The following PIGL variants were observed in gnomAD, a reference collection of about 807,000 sequenced individuals.
The protein encoded by PIGL is phosphatidylinositol glycan anchor biosynthesis class L.
In PIGL, 22 loss-of-function variants were observed where a neutral mutation model predicts 31.1. That is an observed-to-expected ratio of 0.71 (90% CI 0.51 to 1.01). PIGL has a LOEUF of 1.01. Among genes scored for constraint, PIGL ranks in the 50% least tolerant of loss-of-function variants. PIGL has a pLI of 0.00. For synonymous variants in PIGL, 131 were observed against 117.4 expected (o/e 1.12, Z -0.75); for missense variants, 302 against 315.9 (o/e 0.96, Z 0.33).
intron 1 of PIGL, among the ~76,000 whole-genome samples, chr17:16,226,016 A>C (rs1389112980): frequency 6.6e-6 from 1 of 151,976 alleles, no homozygotes; most frequent in Non-Finnish European, 1.5e-5. Context: ...AAAAAAAAAA[A>C]AAAAGTTAGC....
At chr17:16,218,452 A>C (rs566519827) in intron 1 of PIGL, among the ~76,000 whole-genome samples, 1 of 152,300 alleles carries the variant, frequency 6.6e-6, no homozygotes, top group East Asian at 1.9e-4. Context: ...ATCTACCTAT[A>C]TTAATTAGAT....
chr17:16,281,778 G>A (rs2092917489), intron 2 of PIGL, among the ~76,000 whole-genome samples: 2 of 152,188 alleles, frequency 1.3e-5, no homozygotes, highest in South Asian at 4.1e-4. Context: ...AAGAAGAAGG[G>A]GACCTGTGAT....
intron 3 of PIGL, among the ~76,000 whole-genome samples, chr17:16,301,014 T>C (rs1394756390): frequency 6.6e-6 from 1 of 152,210 alleles, no homozygotes; most frequent in Non-Finnish European, 1.5e-5. Flanking sequence ...TCAAAAAATA[T>C]ATAATAATCC....
chr17:16,303,607 C>T (rs2093014173), intron 3 of PIGL, among the ~76,000 whole-genome samples: 1 of 151,960 alleles, frequency 6.6e-6, no homozygotes. Flanking sequence ...GGCATGACCT[C>T]GGCTCACTGC....
intron 2 of PIGL, among the ~76,000 whole-genome samples, chr17:16,241,351 G>A (rs1482966255): frequency 6.6e-6 from 1 of 151,584 alleles, no homozygotes; most frequent in East Asian, 2.0e-4. Flanking sequence ...CACTTTGGGA[G>A]GCTGAGGTGG....
intron 2 of PIGL, among the ~76,000 whole-genome samples, chr17:16,285,254 C>T (rs993377893): frequency 6.6e-6 from 1 of 152,230 alleles, no homozygotes; most frequent in Non-Finnish European, 1.5e-5. Flanking sequence ...TAATACCTAG[C>T]ACTCATGCCT....
chr17:16,269,544 G>C (rs548323256), intron 2 of PIGL, among the ~76,000 whole-genome samples: 7 of 151,468 alleles, frequency 4.6e-5, no homozygotes, highest in African/African-American at 1.7e-4. Flanking sequence ...CCAGCTACTC[G>C]GGAGGCTGAG....
chr17:16,287,991 C>T (rs2092945091), intron 2 of PIGL, among the ~76,000 whole-genome samples: 1 of 152,166 alleles, frequency 6.6e-6, no homozygotes, highest in Non-Finnish European at 1.5e-5. Flanking sequence ...CACATATAGG[C>T]AAGTTACCTT....
At chr17:16,248,020 C>T (rs1225943233) in intron 2 of PIGL, among the ~76,000 whole-genome samples, 8 of 151,866 alleles carry the variant, frequency 5.3e-5, no homozygotes, top group Admixed American at 2.6e-4. Flanking sequence ...CCCAAGTAGC[C>T]GGGATTACAG....
chr17:16,267,314 G>T lies in PIGL; in HGVS notation c.336-32574G>T, dbSNP rs182574355. Among the ~76,000 whole-genome samples the T allele has an allele frequency of 1.1e-3, 170 of 152,204 alleles. 1 individual carries two copies. The highest frequency in any genetic ancestry group is 3.9e-3 in the African/African-American group (162 of 41,530). On this transcript the variant is annotated intron_variant, in intron 2 of 6. Transcript: ENST00000225609. ...TTCATCCCTGTCTTCACATTGAGTA[G>T]GCTATCTTGCTGTCTCAGGGGTGGC... is the stretch of plus-strand genomic sequence containing the variant.
At chr17:16,255,723 T>C (rs1367726346) in intron 2 of PIGL, among the ~76,000 whole-genome samples, 1 of 152,100 alleles carries the variant, frequency 6.6e-6, no homozygotes, top group Admixed American at 6.6e-5. Flanking sequence ...CTCTAAGAGA[T>C]TAAAATAAAG....
chr17:16,259,218 G>A (rs899771822), intron 2 of PIGL, among the ~76,000 whole-genome samples: 1 of 149,600 alleles, frequency 6.7e-6, no homozygotes, highest in African/African-American at 2.5e-5. Flanking sequence ...ATTCTGTTTT[G>A]TTGCTTTTTT....
chr17:16,242,094 A>G (rs138510716), intron 2 of PIGL, among the ~76,000 whole-genome samples: 174 of 152,102 alleles, frequency 1.1e-3, no homozygotes, highest in African/African-American at 4.0e-3. Context: ...GGTCTCTGCC[A>G]TCAGGCTAAA....
At chr17:16,239,419 G>A (rs2092713605) in intron 2 of PIGL, among the ~76,000 whole-genome samples, 1 of 151,716 alleles carries the variant, frequency 6.6e-6, no homozygotes, top group African/African-American at 2.4e-5. Flanking sequence ...GGAGGCGGAG[G>A]TTGCAGTGAG....
At chr17:16,249,269 A>G (rs2092760996) in intron 2 of PIGL, among the ~76,000 whole-genome samples, 2 of 152,236 alleles carry the variant, frequency 1.3e-5, no homozygotes, top group Admixed American at 1.3e-4. Flanking sequence ...ACCTGAGGTC[A>G]GGAGTTCAAG....
At chr17:16,220,286 T>C (rs898927553) in intron 1 of PIGL, among the ~76,000 whole-genome samples, 5 of 151,822 alleles carry the variant, frequency 3.3e-5, no homozygotes, top group African/African-American at 1.2e-4. Context: ...AGGCGGAGGT[T>C]ACAGTGAGCT....
intron 4 of PIGL, among the ~76,000 whole-genome samples, chr17:16,315,960 T>C (rs2093075220): frequency 6.6e-6 from 1 of 152,010 alleles, no homozygotes; most frequent in South Asian, 2.1e-4. Context: ...CCTCCCAAAG[T>C]GCTGGGTTTA....
intron 2 of PIGL, among the ~76,000 whole-genome samples, chr17:16,288,233 TCTCA>T (rs2092946136): frequency 2.0e-5 from 3 of 152,190 alleles, no homozygotes; most frequent in Admixed American, 2.0e-4. Flanking sequence ...CGAGACGAAG[TCTCA>T]CTCTTGTTGC....
intron 4 of PIGL, among the ~76,000 whole-genome samples, chr17:16,315,896 C>A (rs560542466): frequency 1.3e-5 from 2 of 151,700 alleles, no homozygotes; most frequent in African/African-American, 4.8e-5. Context: ...CGGAGTTTCA[C>A]CATATTGGCC....
Sources: gnomAD v4.1 joint callset for allele counts (sites outside exome capture counted in the v4.1 genomes callset) on GRCh38, gnomAD v4.1.1 for gene constraint, MANE v1.5 for transcripts, NCBI Gene and HGNC (gene_info 2026-07-23, HGNC 2026-07-21) for gene names.